Variants in FNIP1 observed in about 807,000 individuals in gnomAD.
The protein encoded by FNIP1 is folliculin-interacting protein 1.
Under a neutral mutation model 124.5 loss-of-function variants are expected in FNIP1, and 40 were observed. The ratio of observed to expected loss-of-function variants is 0.32; its 90% confidence interval spans 0.25 to 0.42. The LOEUF is 0.42. Among genes scored for constraint, FNIP1 ranks in the 10% least tolerant of loss-of-function variants. FNIP1 has a pLI of 1.00. For missense variants in FNIP1, 1,176 were observed against 1,403.7 expected, an observed-to-expected ratio of 0.84 and a Z score of 2.59; for synonymous variants, 472 against 470.6, an observed-to-expected ratio of 1.00 and a Z score of -0.04.
At chr5:131,793,599 G>A (rs1032774417) in intron 1 of FNIP1, among the ~76,000 whole-genome samples, 10 of 152,216 alleles carry the variant, frequency 6.6e-5, no homozygotes, top group African/African-American at 9.7e-5. Context: ...ACCTTAGAGT[G>A]AAGACAAGGG....
chr5:131,786,170 A>C (rs1451049852), intron 1 of FNIP1, among the ~76,000 whole-genome samples: 1 of 152,238 alleles, frequency 6.6e-6, no homozygotes, highest in Non-Finnish European at 1.5e-5. Flanking sequence ...ATCTTTGTTA[A>C]ATGAATTAGA....
chr5:131,771,674 C>T lies in FNIP1; in HGVS notation c.92+25156G>A, dbSNP rs184034294. 2.2e-3 allele frequency among the ~76,000 whole-genome samples: 329 copies of T among 152,260 alleles called. 1 individual carries two copies. The highest frequency in any genetic ancestry group is 3.5e-3 in the Non-Finnish European group (239 of 68,014). The stretch of plus-strand genomic sequence containing the variant: ...TCTCCTTTTACCTTAAAGAAAAAAG[C>T]GTTCCTCTCCCTCTCCACGTCTACA... On this transcript the variant is annotated intron_variant, in intron 1 of 17. Transcript: ENST00000510461.
At chr5:131,677,555 T>A (rs1767945548) in intron 13 of FNIP1, 148 bp downstream of exon 13, 1 of 679,706 alleles carries the variant, frequency 1.5e-6, no homozygotes, top group South Asian at 2.4e-5. Flanking sequence ...TAAGACAAAT[T>A]GGCAGACATG....
At position 131,643,109 on chromosome 5, in the gene FNIP1, A is replaced by G. The variant is rs992850782; in HGVS notation, c.*1576T>C. 9 of 152,328 alleles carry G rather than the reference A, an allele frequency of 5.9e-5. No individual in the cohort carries two copies. Among genetic ancestry groups the G allele is most frequent in the African/African-American group, 2.2e-4 (9 of 41,450 alleles). The allele number at this position is 152,328 out of a possible 1,614,324, so 9.4% of individuals were successfully genotyped here. Reference sequence around the variant, plus strand: ...GGACTAGGTAAAAGGTCATGGGCCAAACAGATTGCAGACACACCAATTTCA... The same window carrying G: ...GGACTAGGTAAAAGGTCATGGGCCAGACAGATTGCAGACACACCAATTTCA... On this transcript the variant is annotated 3_prime_UTR_variant, in exon 18 of 18. Coordinates refer to ENST00000510461, the MANE Select transcript of FNIP1 (RefSeq NM_133372.3).
intron 7 of FNIP1, 45 bp downstream of exon 7, chr5:131,710,533 C>T (rs377349579): frequency 2.3e-5 from 36 of 1,564,668 alleles, no homozygotes; most frequent in Non-Finnish European, 2.9e-5. Flanking sequence ...AGATTCTAGC[C>T]GTTGGGGCAC....
chr5:131,698,823 G>T (rs143189387), intron 11 of FNIP1, 94 bp downstream of exon 11: 38 of 1,091,510 alleles, frequency 3.5e-5, no homozygotes, highest in Middle Eastern at 4.3e-4. Flanking sequence ...ATAGGACAAA[G>T]AAATCAAATT....
At chr5:131,782,849 G>A (rs1041513970) in intron 1 of FNIP1, among the ~76,000 whole-genome samples, 1 of 152,250 alleles carries the variant, frequency 6.6e-6, no homozygotes, top group Admixed American at 6.5e-5. Flanking sequence ...TAGGCCAGGC[G>A]TGGTGGTTTC....
intron 1 of FNIP1, among the ~76,000 whole-genome samples, chr5:131,766,286 C>G (rs188227398): frequency 8.5e-5 from 13 of 152,112 alleles, no homozygotes; most frequent in Non-Finnish European, 1.5e-4. Context: ...AATCAATCCT[C>G]CTGCCTTGGC....
intron 2 of FNIP1, among the ~76,000 whole-genome samples, chr5:131,736,560 G>T (rs543801468): frequency 1.3e-5 from 2 of 152,196 alleles, no homozygotes; most frequent in African/African-American, 4.8e-5. Context: ...TGAGCAGTGG[G>T]CAAGTGAGCA....
chr5:131,761,151 C>T (rs1479817432), intron 1 of FNIP1, among the ~76,000 whole-genome samples: 1 of 152,152 alleles, frequency 6.6e-6, no homozygotes, highest in Non-Finnish European at 1.5e-5. Flanking sequence ...TGTCTTCTGA[C>T]AGCAAAGTAT....
chr5:131,734,756 A>T (rs561691656), intron 2 of FNIP1, among the ~76,000 whole-genome samples: 18 of 152,350 alleles, frequency 1.2e-4, no homozygotes, highest in Non-Finnish European at 2.5e-4. Flanking sequence ...TCAAAACCAC[A>T]ATGAGATATC....
intron 8 of FNIP1, among the ~76,000 whole-genome samples, chr5:131,708,561 C>T (rs1769189834): frequency 6.6e-6 from 1 of 152,182 alleles, no homozygotes; most frequent in Non-Finnish European, 1.5e-5. Flanking sequence ...ATCCCTGCCC[C>T]TTGCCCAGGC....
chr5:131,665,447 CTG>C (rs1767569293), intron 15 of FNIP1, among the ~76,000 whole-genome samples: 1 of 151,748 alleles, frequency 6.6e-6, no homozygotes, highest in African/African-American at 2.4e-5. Flanking sequence ...ATTCAGAAGA[CTG>C]TATTTTTTTA....
At chr5:131,745,998 T>C (rs1770665429) in intron 1 of FNIP1, among the ~76,000 whole-genome samples, 1 of 152,224 alleles carries the variant, frequency 6.6e-6, no homozygotes, top group African/African-American at 2.4e-5. Context: ...GTTCTCTGTT[T>C]TGACCAGATA....
rs1488522157 is a variant in FNIP1 at position 131,672,358 on chromosome 5, C to G, written c.2086G>C (p.Glu696Gln). The change falls in exon 14 of 18, where the codon GAG becomes CAG. Residue 696 changes from glutamate (E) to glutamine (Q), a missense_variant. Transcript: ENST00000510461. ...SVPVDKCALS[E>Q]SGLESTEETW... ...TCCTCTGTTGACTCTAAGCCTGACT[C>G]TGACAATGCACATTTGTCTACTGGA... 1 of 1,614,224 alleles carries G rather than the reference C, an allele frequency of 6.2e-7. No individual in the cohort carries two copies. Among genetic ancestry groups the G allele is most frequent in the Non-Finnish European group, 8.5e-7 (1 of 1,180,040 alleles).
chr5:131,720,589 T>C (rs1057463728), intron 3 of FNIP1, among the ~76,000 whole-genome samples: 2 of 151,988 alleles, frequency 1.3e-5, no homozygotes, highest in Admixed American at 6.6e-5. Flanking sequence ...AAATATGGAA[T>C]GGGAAAAAAT....
chr5:131,707,359 T>A (rs997450436), intron 8 of FNIP1, among the ~76,000 whole-genome samples: 44 of 152,204 alleles, frequency 2.9e-4, no homozygotes, highest in Non-Finnish European at 4.0e-4. Context: ...TCTTTCATGA[T>A]CATAAGCACA....
At chr5:131,692,143 CAA>C (rs1768501472) in intron 11 of FNIP1, among the ~76,000 whole-genome samples, 1 of 151,854 alleles carries the variant, frequency 6.6e-6, no homozygotes, top group South Asian at 2.1e-4. Context: ...TAAAAAGTTT[CAA>C]AGAATCAATC....
chr5:131,659,851 G>T (rs1245187204), intron 15 of FNIP1, among the ~76,000 whole-genome samples: 1 of 152,198 alleles, frequency 6.6e-6, no homozygotes, highest in Non-Finnish European at 1.5e-5. Flanking sequence ...ATTGTAGAAG[G>T]TGTGGTGCCA....
Sources: allele counts gnomAD v4.1 joint callset (sites outside exome capture counted in the v4.1 genomes callset), GRCh38; gene constraint gnomAD v4.1.1; transcripts MANE v1.5; gene names NCBI Gene and HGNC (gene_info 2026-07-23, HGNC 2026-07-21).